The following MAN2C1 variants were observed in gnomAD, a reference collection of about 807,000 sequenced individuals.
MAN2C1 encodes alpha-mannosidase 2C1.
MAN2C1 carries 111 observed loss-of-function variants against 126.9 expected under a neutral mutation model. That is an observed-to-expected ratio of 0.87 (90% CI 0.75 to 1.02). The LOEUF (loss-of-function observed/expected upper bound fraction) is 1.02. MAN2C1 is among the 50% of genes least tolerant of loss of function. The pLI is 0.00. For missense variants in MAN2C1, 1,363 were observed against 1,364.4 expected (o/e 1.00, Z 0.02); for synonymous variants, 567 against 561.5 (o/e 1.01, Z -0.14).
At chr15:75,359,274 T>C in intron 17 of MAN2C1, 54 bp downstream of exon 17, 2 of 1,573,082 alleles carry the variant, frequency 1.3e-6, no homozygotes, top group South Asian at 1.2e-5. Flanking sequence ...GGACCCTCAG[T>C]TGTAAGAAAG....
At position 75,359,052 on chromosome 15, in the gene MAN2C1, T is replaced by G. The variant is rs770371341; in HGVS notation, c.2141+7A>C. The G allele has an allele frequency of 6.4e-5, 104 of 1,613,512 alleles. 1 individual carries two copies. The Middle Eastern group carries it at 1.8e-3, about 28-fold the overall frequency. On this transcript the variant is annotated splice_region_variant and intron_variant, in intron 18 of 25. Coordinates refer to ENST00000267978, the MANE Select transcript of MAN2C1 (RefSeq NM_006715.4). ...GGCACTGGGAAAGGGCAATGAGGAT[T>G]TGGCACCTGCCAGAGGCCACCAGGA... is the stretch of plus-strand genomic sequence containing the variant.
intron 1 of MAN2C1, 94 bp from the exon 2 acceptor site, chr15:75,368,292 TCCGCCAAGAGGGCTG>T: frequency 6.6e-7 from 1 of 1,505,394 alleles, no homozygotes; most frequent in Non-Finnish European, 8.9e-7. Flanking sequence ...CCCTGGATCC[TCCGCCAAGAGGGCTG>T]CCTGGCCGCT....
chr15:75,362,293 G>A lies in MAN2C1; in HGVS notation c.1008+50C>T, dbSNP rs1567281547. The A allele has an allele frequency of 1.3e-6, 2 of 1,532,506 alleles. No homozygotes were observed. The highest frequency in any genetic ancestry group is 2.7e-5 in the African/African-American group (2 of 73,318). 94.9% of individuals were successfully genotyped at this position (1,532,506 alleles called of 1,614,324 possible). On this transcript the variant is annotated intron_variant, in intron 8 of 25. Transcript: ENST00000267978. The surrounding 1 kb of genome is among the most constrained non-coding windows in gnomAD (Gnocchi z 4.5). ...GCCGGGAGGGCGGGGCTACCTGAGG[G>A]AAGGCTGTTGTCATACAGTTCAAGG...
At chr15:75,360,842 CCT>C in intron 12 of MAN2C1, 154 bp from the exon 13 acceptor site, 2 of 1,187,850 alleles carry the variant, frequency 1.7e-6, no homozygotes, top group Non-Finnish European at 2.3e-6. Context: ...CCTAGGAGAG[CCT>C]CTCTCTCTGA....
In MAN2C1 at chr15:75,356,560, G is replaced by A; in HGVS notation, c.2737+46C>T. On this transcript the variant is annotated intron_variant, in intron 23 of 25. Transcript: ENST00000267978. The surrounding 1 kb of genome is among the most constrained non-coding windows in gnomAD (Gnocchi z 5.8). ...GGGTTTGGGCTCAGGGAAGGGCAGAGAGGTGTCTAGGGCTGCAGGAAGGCC... is the reference window on the plus strand; with the variant it reads ...GGGTTTGGGCTCAGGGAAGGGCAGAAAGGTGTCTAGGGCTGCAGGAAGGCC... 5.8e-6 allele frequency: 9 copies of A among 1,550,944 alleles called. No homozygotes were observed. The highest frequency in any genetic ancestry group is 7.9e-6 in the Non-Finnish European group (9 of 1,146,238).
rs1371181072 is a variant in MAN2C1, at chr15:75,361,737, T to A, written c.1102-17A>T. The stretch of plus-strand genomic sequence containing the variant: ...CAGCCAGAACTGTGGAGAAAGAGGA[T>A]CCTGGAGTGCAGGAACCAGAGCTCC... On this transcript the variant is annotated splice_polypyrimidine_tract_variant and intron_variant, in intron 9 of 25. Coordinates refer to ENST00000267978, the MANE Select transcript of MAN2C1 (RefSeq NM_006715.4). The surrounding 1 kb of genome is among the most constrained non-coding windows in gnomAD (Gnocchi z 5.0). 1 of 1,608,130 alleles carries A rather than the reference T, an allele frequency of 6.2e-7. No homozygotes were observed. Among genetic ancestry groups the A allele is most frequent in the Non-Finnish European group, 8.5e-7 (1 of 1,174,910 alleles).
Position 75,361,225 on chromosome 15 carries a change from C to G in MAN2C1, c.1315-34G>C. The G allele has an allele frequency of 3.7e-6, 6 of 1,604,238 alleles. No individual in the cohort carries two copies. Among genetic ancestry groups the G allele is most frequent in the Non-Finnish European group, 5.1e-6 (6 of 1,176,188 alleles). The stretch of plus-strand genomic sequence containing the variant: ...GTGAGGGCAGGCCAGCATGGATCAG[C>G]CTGGAACAAGCCAGCCCTCTCCAGC... On this transcript the variant is annotated intron_variant, in intron 11 of 25. Coordinates refer to ENST00000267978, the MANE Select transcript of MAN2C1 (RefSeq NM_006715.4). This position sits in a 1 kb window ranked among gnomAD's most constrained non-coding sequence, Gnocchi z 5.0.
Position 75,364,505 on chromosome 15 carries a change from G to C in MAN2C1, c.583C>G (p.Leu195Val), listed in dbSNP as rs2072537391. 7 of 1,596,114 alleles carry C rather than the reference G, an allele frequency of 4.4e-6. No individual in the cohort carries two copies. Reference sequence around the variant, plus strand: ...TCAAGTACCTTGGCTATGCCCAGCAGCAGCTCCAGATCCACCAGGAGCATG... The same window carrying C: ...TCAAGTACCTTGGCTATGCCCAGCACCAGCTCCAGATCCACCAGGAGCATG... ...VHMLLVDLELLLGIAKGLGKD... is the reference protein window; with the variant it reads ...VHMLLVDLELVLGIAKGLGKD... The change falls in exon 5 of 26, where the codon CTG becomes GTG. Residue 195 changes from leucine (L) to valine (V), a missense_variant. By Grantham distance (32) the Leu-to-Val change is conservative. This residue lies in a region of MAN2C1 where 628 missense variants were observed against 609.8 expected (regional missense o/e 1.03). Coordinates refer to ENST00000267978, the MANE Select transcript of MAN2C1 (RefSeq NM_006715.4).
At position 75,359,740 on chromosome 15, in the gene MAN2C1, C is replaced by T. The variant is rs1304872472; in HGVS notation, c.1828G>A (p.Ala610Thr). 6.2e-7 allele frequency: 1 copy of T among 1,613,988 alleles called. No homozygotes were observed. The highest frequency in any genetic ancestry group is 1.7e-5 in the Admixed American group (1 of 60,022). ...TCCCCAGCACACAGGGCTGCGGCTG[C>T]AGCGCTGAGCAGTGTATTGCCATGG... ...RSHGNTLLSA[A>T]AAALCAGEPG... is the part of the protein sequence containing the mutation. The change falls in exon 16 of 26, where the codon GCA (alanine) becomes ACA (threonine). Residue 610 changes from alanine to threonine, a missense_variant. Physicochemically the swap from Ala to Thr is moderately conservative, Grantham distance 58 (BLOSUM62 0). Around this residue, in one of 3 missense-constraint regions of MAN2C1, gnomAD observed 668 missense variants for 650.1 expected, o/e 1.03. Coordinates refer to ENST00000267978, the MANE Select transcript of MAN2C1 (RefSeq NM_006715.4).
In MAN2C1 at chr15:75,358,966, G is replaced by C. The variant is rs1057420179; in HGVS notation, c.2141+93C>G. Reference sequence around the variant, plus strand: ...GGGTTCCAGCCCAGAGCCACTGGTGGGCTGCTGTGGGCAGTGTTGTGGCAA... The same window carrying C: ...GGGTTCCAGCCCAGAGCCACTGGTGCGCTGCTGTGGGCAGTGTTGTGGCAA... On this transcript the variant is annotated intron_variant, in intron 18 of 25. Coordinates refer to ENST00000267978, the MANE Select transcript of MAN2C1 (RefSeq NM_006715.4). The C allele has an allele frequency of 1.9e-6, 3 of 1,552,398 alleles. No homozygotes were observed. The East Asian group carries it at 6.8e-5, about 35-fold the overall frequency.
At chr15:75,366,673 C>A in intron 3 of MAN2C1, 81 bp from the exon 4 acceptor site, 1 of 1,034,236 alleles carries the variant, frequency 9.7e-7, no homozygotes, top group East Asian at 2.9e-5. Context: ...GGGAGTCAGG[C>A]CCCTCCATCT....
At chr15:75,367,770 G>T (rs1312406217) in intron 2 of MAN2C1, 136 bp from the exon 3 acceptor site, 8 of 1,167,210 alleles carry the variant, frequency 6.9e-6, no homozygotes, top group Non-Finnish European at 9.6e-6. Context: ...TGAGTCACAA[G>T]AAAGGAGCAA....
At chr15:75,368,051 C>T in intron 2 of MAN2C1, 22 bp downstream of exon 2, 1 of 1,594,390 alleles carries the variant, frequency 6.3e-7, no homozygotes, top group Non-Finnish European at 8.5e-7. Context: ...GTGGCCCCGC[C>T]CACCCGCTGG....
intron 4 of MAN2C1, 103 bp downstream of exon 4, chr15:75,366,419 A>G: frequency 2.3e-6 from 2 of 885,748 alleles, no homozygotes; most frequent in Non-Finnish European, 3.6e-6. Flanking sequence ...TGATTGTGCT[A>G]GAGCAGAGGC....
At chr15:75,357,381 C>T (rs1345738150) in intron 21 of MAN2C1, 1 of 158,148 alleles carries the variant, frequency 6.3e-6, no homozygotes, top group African/African-American at 2.5e-5. Context: ...TCTCAGCTCA[C>T]TGCAACCTCC....
Position 75,359,667 on chromosome 15 carries a change from C to A in MAN2C1, c.1901G>T (p.Arg634Leu), listed in dbSNP as rs765881031. ...TTTGGGCAGGGCCATCACTTCGATC[C>A]GCTTCCAGGGCAGTGTGTTGACGAT... ...LLIVNTLPWK[R>L]IEVMALPKPG... Residue 634 changes from arginine (R) to leucine (L), a missense_variant, in exon 16 of 26, where the codon CGG becomes CTG. Arg to Leu is a moderately radical substitution (Grantham distance 102, BLOSUM62 -2). Coordinates refer to ENST00000267978, the MANE Select transcript of MAN2C1 (RefSeq NM_006715.4). 17 of 1,614,158 alleles carry A rather than the reference C, an allele frequency of 1.1e-5. No homozygotes were observed. In the South Asian group the frequency reaches 1.8e-4, roughly 17 times the overall value.
rs139418901 is a variant in MAN2C1, at chr15:75,355,986, G to A, written c.3043C>T (p.Arg1015Trp). ...RPDPAGHLTL[R>W]DNRLKLTFSP... ...AAGGTGAGCTTCAGGCGGTTGTCCC[G>A]AAGGGTCAAGTGGCCAGCAGGGTCT... is the stretch of plus-strand genomic sequence containing the variant. Residue 1015 changes from arginine to tryptophan, a missense_variant, in exon 26 of 26, where the codon CGG (arginine) becomes TGG (tryptophan). Coordinates refer to ENST00000267978, the MANE Select transcript of MAN2C1 (RefSeq NM_006715.4). 33 of 1,613,944 alleles carry A rather than the reference G, an allele frequency of 2.0e-5. No homozygotes were observed. Among genetic ancestry groups the A allele is most frequent in the Admixed American group, 8.3e-5 (5 of 59,990 alleles).
Position 75,362,120 on chromosome 15 carries a change from G to A in MAN2C1, c.1009-173C>T, listed in dbSNP as rs919634166. The A allele has an allele frequency of 5.9e-5, 39 of 665,826 alleles. No individual in the cohort carries two copies. The African/African-American group carries it at 7.0e-4, about 12-fold the overall frequency. 41.2% of individuals were successfully genotyped at this position (665,826 alleles called of 1,614,324 possible). A position where few individuals can be genotyped will look rare whatever the true frequency, so the allele number is the denominator to read the frequency against. The stretch of plus-strand genomic sequence containing the variant: ...CAGGCCTGACTGTCCATCTGCCTGA[G>A]GGGGTGCCCAGGACTAGGCCATGCA... On this transcript the variant is annotated intron_variant, in intron 8 of 25. Coordinates refer to ENST00000267978, the MANE Select transcript of MAN2C1 (RefSeq NM_006715.4). This position sits in a 1 kb window ranked among gnomAD's most constrained non-coding sequence, Gnocchi z 4.5.
chr15:75,359,650 G>C lies in MAN2C1; in HGVS notation c.1918C>G (p.Leu640Val). The change falls in exon 16 of 26, where the codon CTG becomes GTG. Residue 640 changes from leucine to valine, a missense_variant. Transcript: ENST00000267978. The stretch of plus-strand genomic sequence containing the variant: ...CTGTGGGCCCCGCCCGGTTTGGGCA[G>C]GGCCATCACTTCGATCCGCTTCCAG... ...LPWKRIEVMA[L>V]PKPGGAHSLA... 6.2e-7 allele frequency: 1 copy of C among 1,614,136 alleles called. No homozygotes were observed. The highest frequency in any genetic ancestry group is 8.5e-7 in the Non-Finnish European group (1 of 1,180,042).
Sources: gnomAD v4.1 joint callset for allele counts on GRCh38, gnomAD v4.1.1 for gene constraint, gnomAD v4.1.1 regional missense constraint, Gnocchi (gnomAD v3.1) non-coding constraint, MANE v1.5 for transcripts, NCBI Gene and HGNC (gene_info 2026-07-23, HGNC 2026-07-21) for gene names.